Variants in ERCC6 observed in about 807,000 individuals in gnomAD.
The protein encoded by ERCC6 is DNA excision repair protein ERCC-6.
In ERCC6, 116 loss-of-function variants were observed where a neutral mutation model predicts 158.7. The ratio of observed to expected loss-of-function variants is 0.73; its 90% confidence interval spans 0.63 to 0.85. The LOEUF (loss-of-function observed/expected upper bound fraction) is 0.85, where lower values mean the gene tolerates loss of function less well. ERCC6 is among the 40% of genes least tolerant of loss of function. The probability of loss-of-function intolerance (pLI) is 0.00; values close to 1 mark genes in which losing one functional copy is unlikely to be tolerated. For synonymous variants in ERCC6, 678 were observed against 659.3 expected (o/e 1.03, Z -0.43); for missense variants, 1,698 against 1,799.4 (o/e 0.94, Z 1.02).
In ERCC6 at chr10:49,472,894, A is replaced by G. The variant is rs1850806052; in HGVS notation, c.2829+15T>C. On this transcript the variant is annotated intron_variant, in intron 15 of 20. Coordinates refer to ENST00000355832, the MANE Select transcript of ERCC6 (RefSeq NM_000124.4). The stretch of plus-strand genomic sequence containing the variant: ...TCTACTAATACATTCTTTTAAAAAA[A>G]AAATAAAAACAAACCTGCGTGTCCG... 6.2e-7 allele frequency: 1 copy of G among 1,611,186 alleles called. No individual in the cohort carries two copies. Among genetic ancestry groups the G allele is most frequent in the Non-Finnish European group, 8.5e-7 (1 of 1,178,630 alleles).
At chr10:49,476,131 G>T in intron 12 of ERCC6, 84 bp downstream of exon 12, 1 of 962,234 alleles carries the variant, frequency 1.0e-6, no homozygotes, top group Non-Finnish European at 1.7e-6. Context: ...GAAAAGCCTG[G>T]CACAATGTAG....
At chr10:49,477,382 C>T (rs866484172) in intron 11 of ERCC6, among the ~76,000 whole-genome samples, 1 of 152,092 alleles carries the variant, frequency 6.6e-6, no homozygotes, top group Non-Finnish European at 1.5e-5. Flanking sequence ...CAGTACAGTG[C>T]CTCACCCATT....
At chr10:49,482,573 T>C (rs1276441506) in intron 10 of ERCC6, 114 bp downstream of exon 10, 11 of 815,744 alleles carry the variant, frequency 1.3e-5, no homozygotes, top group Middle Eastern at 3.0e-4. Flanking sequence ...GATACCAATT[T>C]ATGAGCCTGG....
intron 15 of ERCC6, 21 bp downstream of exon 15, chr10:49,472,888 A>T (rs748010976): frequency 1.5e-5 from 22 of 1,465,628 alleles, no homozygotes; most frequent in Admixed American, 1.3e-4. Flanking sequence ...ACATTCTTTT[A>T]AAAAAAAAAT....
At chr10:49,440,823 G>A in the ERCC6 span, among the ~76,000 whole-genome samples, 2 of 152,170 alleles carry the variant, frequency 1.3e-5, no homozygotes, top group Non-Finnish European at 2.9e-5. Flanking sequence ...GGCATGGTGG[G>A]CACTACTATA....
At chr10:49,445,352 G>T in the ERCC6 span, among the ~76,000 whole-genome samples, 27 of 152,172 alleles carry the variant, frequency 1.8e-4, no homozygotes, top group African/African-American at 6.0e-4. Flanking sequence ...AGTAAGAAAA[G>T]AATAAGGTTT....
At chr10:49,513,774 T>C (rs1434373550) in intron 5 of ERCC6, among the ~76,000 whole-genome samples, 2 of 152,070 alleles carry the variant, frequency 1.3e-5, no homozygotes, top group Non-Finnish European at 2.9e-5. Context: ...CCTTGACATA[T>C]GGGGACTACA....
chr10:49,520,108 T>A (rs1413435979), intron 5 of ERCC6, among the ~76,000 whole-genome samples: 1 of 152,204 alleles, frequency 6.6e-6, no homozygotes, highest in Non-Finnish European at 1.5e-5. Context: ...ACAAACTGCA[T>A]CAGCCAAAAG....
At chr10:49,473,449 C>A in intron 14 of ERCC6, 28 bp downstream of exon 14, 2 of 1,405,420 alleles carry the variant, frequency 1.4e-6, no homozygotes, top group South Asian at 1.2e-5. Flanking sequence ...CAGCACCACT[C>A]AACTTCCCTG....
chr10:49,512,318 T>C (rs889070810), intron 5 of ERCC6, among the ~76,000 whole-genome samples: 9 of 152,134 alleles, frequency 5.9e-5, no homozygotes, highest in African/African-American at 1.9e-4. Context: ...CTGGTACATC[T>C]ACCTCAGAAT....
the ERCC6 span, among the ~76,000 whole-genome samples, chr10:49,441,697 G>T: frequency 6.6e-6 from 1 of 152,214 alleles, no homozygotes; most frequent in South Asian, 2.1e-4. Context: ...CAGAGAGTTC[G>T]CAGCCAGGGA....
Position 49,470,478 on chromosome 10 carries a change from C to A in ERCC6, c.3482G>T (p.Ser1161Ile). The stretch of plus-strand genomic sequence containing the variant: ...CCAAAAAGCTTCTGTTTGAGCCTGG[C>A]TGGGTCTTTCTCTTTTGTAAGAAAG... ...LGLSYKRERPSQAQTEAFWEN... is the reference protein window; with the variant it reads ...LGLSYKRERPIQAQTEAFWEN... Residue 1161 changes from serine (S) to isoleucine (I), a missense_variant, in exon 18 of 21, where the codon AGC (serine) becomes ATC (isoleucine). Ser to Ile is a moderately radical substitution (Grantham distance 142). Coordinates refer to ENST00000355832, the MANE Select transcript of ERCC6 (RefSeq NM_000124.4). The A allele has an allele frequency of 6.2e-7, 1 of 1,614,116 alleles. No homozygotes were observed. Among genetic ancestry groups the A allele is most frequent in the Non-Finnish European group, 8.5e-7 (1 of 1,180,012 alleles).
chr10:49,459,321 G>C (rs1221204176), intron 20 of ERCC6, 87 bp from the exon 21 acceptor site: 1 of 1,422,034 alleles, frequency 7.0e-7, no homozygotes, highest in Admixed American at 1.7e-5. Flanking sequence ...AGGGTCACAA[G>C]ACAACACATG....
intron 8 of ERCC6, among the ~76,000 whole-genome samples, chr10:49,492,328 A>C (rs1160708362): frequency 1.3e-5 from 2 of 152,212 alleles, no homozygotes; most frequent in Non-Finnish European, 2.9e-5. Context: ...CAGGAAAGAA[A>C]GAACTAGCTC....
At chr10:49,445,301 C>T in the ERCC6 span, among the ~76,000 whole-genome samples, 2 of 152,268 alleles carry the variant, frequency 1.3e-5, no homozygotes, top group South Asian at 4.2e-4. Context: ...ACTCCCATCA[C>T]CATTCCTGGC....
Position 49,472,363 on chromosome 10 carries a change from T to A in ERCC6, c.2924+13A>T. ...GGAACGCACAGCCAAGAGTGGCCAC[T>A]GTGTGCACTGACCGGTGGTAGATCT... On this transcript the variant is annotated intron_variant, in intron 16 of 20. Coordinates refer to ENST00000355832, the MANE Select transcript of ERCC6 (RefSeq NM_000124.4). 1 of 1,612,058 alleles carries A rather than the reference T, an allele frequency of 6.2e-7. No individual in the cohort carries two copies. The highest frequency in any genetic ancestry group is 8.5e-7 in the Non-Finnish European group (1 of 1,178,312).
intron 5 of ERCC6, among the ~76,000 whole-genome samples, chr10:49,510,365 C>T (rs757947659): frequency 6.6e-6 from 1 of 152,136 alleles, no homozygotes; most frequent in Non-Finnish European, 1.5e-5. Context: ...TATGCAGCCT[C>T]CTCATCTCTG....
At chr10:49,536,002 G>A (rs1415249066) in intron 1 of ERCC6, among the ~76,000 whole-genome samples, 1 of 152,218 alleles carries the variant, frequency 6.6e-6, no homozygotes, top group Non-Finnish European at 1.5e-5. Context: ...TGTAATCCCA[G>A]CTACTCGGGA....
chr10:49,517,679 G>A (rs185744003), intron 5 of ERCC6, among the ~76,000 whole-genome samples: 2 of 151,450 alleles, frequency 1.3e-5, no homozygotes, highest in Non-Finnish European at 2.9e-5. Flanking sequence ...AGCCTCCTGG[G>A]TAGCTGGGAC....
Sources: allele counts gnomAD v4.1 joint callset (sites outside exome capture counted in the v4.1 genomes callset), GRCh38; gene constraint gnomAD v4.1.1; transcripts MANE v1.5; gene names NCBI Gene and HGNC (gene_info 2026-07-23, HGNC 2026-07-21).